The following RXYLT1 variants were observed in gnomAD, a reference collection of about 807,000 sequenced individuals.
RXYLT1 encodes the protein ribitol xylosyltransferase 1.
A neutral mutation model predicts 43.5 loss-of-function variants in RXYLT1; 41 were observed. That is an observed-to-expected ratio of 0.94 (90% confidence interval 0.73 to 1.22). The LOEUF is 1.22. Among genes scored for constraint, RXYLT1 ranks in the 50% most tolerant of loss-of-function variants. The pLI, the probability that RXYLT1 is intolerant of heterozygous loss-of-function variation, is 0.00. For missense variants in RXYLT1, 514 were observed against 532.0 expected (o/e 0.97, Z 0.33); for synonymous variants, 166 against 194.4 (o/e 0.85, Z 1.21).
At chr12:63,789,517 A>G (rs79675851) in intron 3 of RXYLT1, among the ~76,000 whole-genome samples, 6,899 of 152,276 alleles carry the variant, frequency 0.045, 283 homozygotes, top group East Asian at 0.2. Context: ...CATAGTGAGC[A>G]CATGCTGTTG....
chr12:63,802,013 A>C, intron 3 of RXYLT1, 78 bp from the exon 4 acceptor site: 3 of 1,325,420 alleles, frequency 2.3e-6, no homozygotes, highest in Non-Finnish European at 3.1e-6. Flanking sequence ...ATTTTGTATA[A>C]AATGATGAAT....
intron 3 of RXYLT1, chr12:63,795,629 T>C (rs1294911936): frequency 6.6e-6 from 1 of 151,912 alleles, no homozygotes; most frequent in African/African-American, 2.4e-5. Context: ...TATTTCTGTG[T>C]TTATAACACC....
chr12:63,780,601 C>T (rs773790397), intron 1 of RXYLT1: 1 of 820,042 alleles, frequency 1.2e-6, no homozygotes, highest in Non-Finnish European at 1.5e-6. Context: ...TTTCTCTTTC[C>T]CTTTATTCAG....
At chr12:63,790,324 A>C (rs1353595827) in intron 3 of RXYLT1, 1 of 152,194 alleles carries the variant, frequency 6.6e-6, no homozygotes, top group African/African-American at 2.4e-5. Context: ...TTCAGAAAGA[A>C]AGACAGAAAT....
chr12:63,797,246 G>A (rs1210348780), intron 3 of RXYLT1, among the ~76,000 whole-genome samples: 3 of 152,028 alleles, frequency 2.0e-5, no homozygotes, highest in African/African-American at 2.4e-5. Context: ...TTACAGGCGT[G>A]AGCCACCATG....
intron 2 of RXYLT1, among the ~76,000 whole-genome samples, chr12:63,781,565 A>G (rs1230108812): frequency 1.3e-5 from 2 of 152,260 alleles, no homozygotes; most frequent in African/African-American, 4.8e-5. Context: ...ACTGAAGAGT[A>G]CAAAGTTAAA....
intron 3 of RXYLT1, among the ~76,000 whole-genome samples, chr12:63,794,791 C>T (rs1897992146): frequency 6.7e-6 from 1 of 150,302 alleles, no homozygotes; most frequent in South Asian, 2.1e-4. Context: ...CATGATTTTT[C>T]ATTTAAAAAA....
At chr12:63,787,055 G>A (rs1206760842) in intron 3 of RXYLT1, among the ~76,000 whole-genome samples, 1 of 152,082 alleles carries the variant, frequency 6.6e-6, no homozygotes, top group Non-Finnish European at 1.5e-5. Context: ...AGAGGATGCA[G>A]TGAGGTAAGA....
At chr12:63,780,441 A>G in intron 1 of RXYLT1, 1 of 1,197,786 alleles carries the variant, frequency 8.3e-7, no homozygotes, top group African/African-American at 1.6e-5. Flanking sequence ...ATGCTCCTGG[A>G]AGGCCTCAAA....
chr12:63,808,588 C>A, intron 5 of RXYLT1, 87 bp from the exon 6 acceptor site: 1 of 1,442,910 alleles, frequency 6.9e-7, no homozygotes, highest in Non-Finnish European at 9.4e-7. Context: ...TTTCCTGAAA[C>A]TGATTTTATT....
intron 5 of RXYLT1, chr12:63,806,162 T>A (rs1021196923): frequency 7.9e-5 from 12 of 152,234 alleles, no homozygotes; most frequent in African/African-American, 2.9e-4. Flanking sequence ...CCATATCATA[T>A]TCGTTCAGTC....
At chr12:63,800,849 A>G (rs1898143317) in intron 3 of RXYLT1, among the ~76,000 whole-genome samples, 1 of 151,896 alleles carries the variant, frequency 6.6e-6, no homozygotes, top group South Asian at 2.1e-4. Flanking sequence ...TGAACCCAGG[A>G]GGCAGAGGCT....
chr12:63,797,612 A>C (rs1898064048), intron 3 of RXYLT1, among the ~76,000 whole-genome samples: 1 of 152,222 alleles, frequency 6.6e-6, no homozygotes, highest in South Asian at 2.1e-4. Flanking sequence ...AGCAAGGGCC[A>C]GATCATGGTG....
At chr12:63,802,807 G>A (rs1898193537) in intron 4 of RXYLT1, among the ~76,000 whole-genome samples, 1 of 151,928 alleles carries the variant, frequency 6.6e-6, no homozygotes, top group South Asian at 2.1e-4. Context: ...TTTGAGACTG[G>A]CTGAATTTAT....
intron 3 of RXYLT1, among the ~76,000 whole-genome samples, chr12:63,798,533 G>A (rs1418829378): frequency 6.6e-6 from 1 of 152,114 alleles, no homozygotes; most frequent in Non-Finnish European, 1.5e-5. Flanking sequence ...TAGATCTGTG[G>A]TTCCTTGACG....
At chr12:63,793,118 GC>G (rs1380645675) in intron 3 of RXYLT1, among the ~76,000 whole-genome samples, 1 of 152,100 alleles carries the variant, frequency 6.6e-6, no homozygotes, top group Non-Finnish European at 1.5e-5. Context: ...TCTTATCTAT[GC>G]TTTGGGTCTA....
At chr12:63,780,237 AG>A in intron 1 of RXYLT1, 108 bp downstream of exon 1, 2 of 1,385,878 alleles carry the variant, frequency 1.4e-6, no homozygotes, top group Non-Finnish European at 1.8e-6. Flanking sequence ...GATTACCCGC[AG>A]GGCCTGAGAA....
chr12:63,782,071 T>C (rs1897696931), intron 2 of RXYLT1, among the ~76,000 whole-genome samples: 1 of 152,218 alleles, frequency 6.6e-6, no homozygotes, highest in African/African-American at 2.4e-5. Context: ...CTTTTAAATC[T>C]CAGATTTTCA....
At chr12:63,780,203 C>A in intron 1 of RXYLT1, 74 bp downstream of exon 1, 1 of 1,393,694 alleles carries the variant, frequency 7.2e-7, no homozygotes, top group South Asian at 1.6e-5. Context: ...GGGCCGGGTC[C>A]CCGCACCCGG....
Sources: gnomAD v4.1 joint callset for allele counts (sites outside exome capture counted in the v4.1 genomes callset) on GRCh38, gnomAD v4.1.1 for gene constraint, MANE v1.5 for transcripts, NCBI Gene and HGNC (gene_info 2026-07-23, HGNC 2026-07-21) for gene names.